Variants in AGBL1 observed in about 807,000 individuals in gnomAD.
AGBL1 encodes the protein cytosolic carboxypeptidase 4.
In AGBL1, 130 loss-of-function variants were observed where a neutral mutation model predicts 118.9. The ratio of observed to expected loss-of-function variants is 1.09; its 90% CI spans 0.95 to 1.26. The LOEUF (loss-of-function observed/expected upper bound fraction) is 1.26. Ranked by LOEUF, AGBL1 falls within the 50% of genes most tolerant of loss-of-function variation. The pLI is 0.00. For missense variants in AGBL1, 1,584 were observed against 1,298.1 expected (o/e 1.22, Z -3.38); for synonymous variants, 555 against 478.9 (o/e 1.16, Z -2.08).
chr15:86,292,590 T>C (rs2079564905), intron 16 of AGBL1, among the ~76,000 whole-genome samples: 1 of 152,172 alleles, frequency 6.6e-6, no homozygotes, highest in Non-Finnish European at 1.5e-5. Flanking sequence ...GACAGAGTCT[T>C]ACTAGTGTCT....
At chr15:86,329,171 C>T (rs1045843433) in intron 17 of AGBL1, among the ~76,000 whole-genome samples, 1 of 152,126 alleles carries the variant, frequency 6.6e-6, no homozygotes, top group Non-Finnish European at 1.5e-5. Flanking sequence ...TGCTGGGTGC[C>T]TACCCCAGCC....
intron 23 of AGBL1, among the ~76,000 whole-genome samples, chr15:86,927,399 G>A (rs1273554138): frequency 1.4e-5 from 2 of 145,888 alleles, no homozygotes; most frequent in Admixed American, 6.9e-5. Context: ...CACCAGCCTG[G>A]GCAATAAAGG....
At chr15:86,732,114 A>G (rs1338923035) in intron 22 of AGBL1, among the ~76,000 whole-genome samples, 6 of 152,246 alleles carry the variant, frequency 3.9e-5, no homozygotes, top group Non-Finnish European at 7.3e-5. Flanking sequence ...TGCCTTGCAC[A>G]AGAATTTGCG....
At chr15:86,093,637 G>A (rs117139970) in intron 1 of AGBL1, among the ~76,000 whole-genome samples, 2,180 of 152,148 alleles carry the variant, frequency 0.014, 26 homozygotes, top group Non-Finnish European at 0.019. Context: ...GAACCAAAAC[G>A]AACAGCTCAA....
At chr15:86,835,848 A>G (rs2079163499) in intron 22 of AGBL1, among the ~76,000 whole-genome samples, 1 of 152,222 alleles carries the variant, frequency 6.6e-6, no homozygotes, top group Non-Finnish European at 1.5e-5. Context: ...CATCATGCAC[A>G]GAAATATGTG....
intron 22 of AGBL1, among the ~76,000 whole-genome samples, chr15:86,698,625 T>TA (rs1555439796): frequency 1.7e-4 from 26 of 150,750 alleles, no homozygotes; most frequent in East Asian, 9.8e-4. Context: ...TTTTTTTTTT[T>TA]AAAAAGAGAC....
rs555194429 is a variant in AGBL1 at position 86,776,051 on chromosome 15, C to T, written c.3158+101615C>T. Among the ~76,000 whole-genome samples, 8 of 152,280 alleles carry T rather than the reference C, an allele frequency of 5.3e-5. No individual in the cohort carries two copies. The South Asian group carries it at 1.5e-3, about 28-fold the overall frequency. The stretch of plus-strand genomic sequence containing the variant: ...TCCAACCTAAATTGTAGCTGACAAT[C>T]TGGTCTCTGATGATTGTTCAGTGGT... On this transcript the variant is annotated intron_variant, in intron 22 of 22. Transcript: ENST00000614907.
intron 22 of AGBL1, among the ~76,000 whole-genome samples, chr15:86,707,848 G>A (rs1362941026): frequency 6.6e-6 from 1 of 152,038 alleles, no homozygotes; most frequent in African/African-American, 2.4e-5. Flanking sequence ...ATAGATATAT[G>A]TTAACCAATC....
At chr15:86,817,409 G>C (rs1249455107) in intron 22 of AGBL1, among the ~76,000 whole-genome samples, 1 of 151,488 alleles carries the variant, frequency 6.6e-6, no homozygotes, top group Non-Finnish European at 1.5e-5. Flanking sequence ...GCGATGTTGT[G>C]GGTTGTGGCC....
rs143607146 is a variant in AGBL1 at position 86,471,929 on chromosome 15, G to A, written c.2556-50881G>A. ...AAGATCTCAAAATGAGATTACCCTA[G>A]TTTATCTGAGTAAACCATAAATCCA... On this transcript the variant is annotated intron_variant, in intron 18 of 22. Transcript: ENST00000614907. Among the ~76,000 whole-genome samples, 3 of 152,270 alleles carry A rather than the reference G, an allele frequency of 2.0e-5. No homozygotes were observed. In the East Asian group the frequency reaches 5.8e-4, roughly 29 times the overall value.
chr15:86,152,927 T>C (rs1170599189), intron 3 of AGBL1, among the ~76,000 whole-genome samples: 3 of 152,186 alleles, frequency 2.0e-5, no homozygotes, highest in African/African-American at 7.2e-5. Context: ...TCATCACTGG[T>C]CATCAGAGAA....
At chr15:86,762,214 GT>G (rs1473957179) in intron 22 of AGBL1, among the ~76,000 whole-genome samples, 1 of 151,992 alleles carries the variant, frequency 6.6e-6, no homozygotes, top group Non-Finnish European at 1.5e-5. Context: ...AGTGGGGCCT[GT>G]TGGGGGAGGT....
chr15:86,121,517 C>A (rs1898093498), intron 1 of AGBL1, among the ~76,000 whole-genome samples: 1 of 152,182 alleles, frequency 6.6e-6, no homozygotes, highest in South Asian at 2.1e-4. Flanking sequence ...AGTTCCTTGT[C>A]CCTGGATGTA....
chr15:86,960,376 T>A (rs1197942096), intron 23 of AGBL1, among the ~76,000 whole-genome samples: 3 of 152,094 alleles, frequency 2.0e-5, no homozygotes, highest in Non-Finnish European at 4.4e-5. Context: ...ATAAATTATC[T>A]GGTTGAAATG....
At chr15:86,680,560 CTTTTCTT>C (rs2085934316) in intron 22 of AGBL1, among the ~76,000 whole-genome samples, 1 of 102,518 alleles carries the variant, frequency 9.8e-6, no homozygotes. Context: ...TTCTTTCTTT[CTTTTCTT>C]TTTTTTTTTT....
intron 22 of AGBL1, among the ~76,000 whole-genome samples, chr15:86,679,084 C>T (rs550802832): frequency 6.6e-6 from 1 of 152,162 alleles, no homozygotes; most frequent in South Asian, 2.1e-4. Context: ...TTCACTGATG[C>T]ACTCTATAAT....
intron 18 of AGBL1, among the ~76,000 whole-genome samples, chr15:86,413,743 G>A (rs1596084168): frequency 6.6e-6 from 1 of 151,974 alleles, no homozygotes; most frequent in Non-Finnish European, 1.5e-5. Flanking sequence ...TTGTTGAGTT[G>A]TTTGTGTTCC....
intron 22 of AGBL1, among the ~76,000 whole-genome samples, chr15:86,688,698 C>T (rs2086107085): frequency 6.6e-6 from 1 of 152,130 alleles, no homozygotes; most frequent in Non-Finnish European, 1.5e-5. Context: ...TTTATTATAG[C>T]TTTAACGAGG....
At chr15:86,254,025 G>A (rs1031198712) in intron 7 of AGBL1, among the ~76,000 whole-genome samples, 4 of 152,184 alleles carry the variant, frequency 2.6e-5, no homozygotes, top group Admixed American at 1.3e-4. Context: ...GGAGATGTTC[G>A]TGGCTTTGGC....
Sources: allele counts gnomAD v4.1 joint callset (sites outside exome capture counted in the v4.1 genomes callset), GRCh38; gene constraint gnomAD v4.1.1; transcripts MANE v1.5; gene names NCBI Gene and HGNC (gene_info 2026-07-23, HGNC 2026-07-21).